The following SFRP1 variants were observed in gnomAD, a reference collection of about 807,000 sequenced individuals.
SFRP1 encodes secreted frizzled related protein 1.
In SFRP1, 9 loss-of-function variants were observed where a neutral mutation model predicts 25.9. The ratio of observed to expected loss-of-function variants is 0.35; its 90% CI spans 0.21 to 0.61. The LOEUF (loss-of-function observed/expected upper bound fraction) is 0.61, where lower values mean the gene tolerates loss of function less well. SFRP1 is among the 20% of genes least tolerant of loss of function. The pLI is 0.78. For missense variants in SFRP1, 346 were observed against 418.2 expected (o/e 0.83, Z 1.51); for synonymous variants, 178 against 174.0 (o/e 1.02, Z -0.18).
At chr8:41,302,018 C>A (rs951821754) in intron 2 of SFRP1, among the ~76,000 whole-genome samples, 4 of 152,230 alleles carry the variant, frequency 2.6e-5, no homozygotes, top group Non-Finnish European at 5.9e-5. Context: ...GGCAAAGGGT[C>A]TGAATCCTCC....
intron 2 of SFRP1, among the ~76,000 whole-genome samples, chr8:41,285,806 C>T (rs1803692812): frequency 6.6e-6 from 1 of 152,120 alleles, no homozygotes; most frequent in Admixed American, 6.5e-5. Flanking sequence ...TTAGCTCGAG[C>T]GGGATGGAGG....
intron 2 of SFRP1, among the ~76,000 whole-genome samples, chr8:41,302,350 T>G (rs1256351074): frequency 6.6e-6 from 1 of 152,220 alleles, no homozygotes; most frequent in Non-Finnish European, 1.5e-5. Context: ...CCCTCCGACT[T>G]GCATGTGTCC....
intron 2 of SFRP1, among the ~76,000 whole-genome samples, chr8:41,272,691 A>G (rs1051477014): frequency 1.3e-5 from 2 of 152,212 alleles, no homozygotes; most frequent in African/African-American, 4.8e-5. Flanking sequence ...CAAAATGACA[A>G]ACAGATGGGA....
chr8:41,285,507 G>A (rs7833518), intron 2 of SFRP1, among the ~76,000 whole-genome samples: 4 of 152,016 alleles, frequency 2.6e-5, no homozygotes, highest in African/African-American at 4.8e-5. Context: ...CACTCCAGGC[G>A]GAAGAAGTGC....
At position 41,309,165 on chromosome 8, in the gene SFRP1, C is replaced by T. The variant is rs1804039557; in HGVS notation, c.-6G>A. ...TCGCTGCGCCCGATGCCCATGCCGG[C>T]TCTGCGCCCTGTTCTCCGCGACGTC... On this transcript the variant is annotated 5_prime_UTR_variant, in exon 1 of 3. Transcript: ENST00000220772. 1 of 1,362,676 alleles carries T rather than the reference C, an allele frequency of 7.3e-7. No homozygotes were observed. Among genetic ancestry groups the T allele is most frequent in the African/African-American group, 1.5e-5 (1 of 64,890 alleles). 84.4% of individuals were successfully genotyped at this position (1,362,676 alleles called of 1,614,324 possible).
rs575623122 is a variant in SFRP1 at position 41,263,460 on chromosome 8, G to A, written c.*1707C>T. 2 of 152,296 alleles carry A rather than the reference G, an allele frequency of 1.3e-5. No homozygotes were observed. The highest frequency in any genetic ancestry group is 2.9e-5 in the Non-Finnish European group (2 of 68,028). The allele number at this position is 152,296 out of a possible 1,614,324, so 9.4% of individuals were successfully genotyped here. On this transcript the variant is annotated 3_prime_UTR_variant, in exon 3 of 3. Coordinates refer to ENST00000220772, the MANE Select transcript of SFRP1 (RefSeq NM_003012.5). ...CGGGCATGCTGATTTTCATACTGGAGTCTTCAAGAGTTAACAGAATCTACC... is the reference window on the plus strand; with the variant it reads ...CGGGCATGCTGATTTTCATACTGGAATCTTCAAGAGTTAACAGAATCTACC...
At chr8:41,308,374 G>A (rs1351940788) in intron 1 of SFRP1, among the ~76,000 whole-genome samples, 2 of 152,262 alleles carry the variant, frequency 1.3e-5, no homozygotes, top group East Asian at 3.9e-4. Context: ...AGGCCAAGGC[G>A]CAGAGCTGCC....
intron 2 of SFRP1, among the ~76,000 whole-genome samples, chr8:41,268,597 T>C (rs893672512): frequency 6.6e-6 from 1 of 152,188 alleles, no homozygotes; most frequent in African/African-American, 2.4e-5. Context: ...CCTTTCTTTT[T>C]TTGAGGTGGG....
chr8:41,271,028 A>G, intron 2 of SFRP1: 1 of 154,064 alleles, frequency 6.5e-6, no homozygotes. Flanking sequence ...GTGTCAGAGG[A>G]TTGAGTGGTT....
intron 2 of SFRP1, among the ~76,000 whole-genome samples, chr8:41,289,355 T>C (rs1803747947): frequency 6.6e-6 from 1 of 152,234 alleles, no homozygotes; most frequent in African/African-American, 2.4e-5. Flanking sequence ...AACAGTTCAG[T>C]AGCAGCGCAG....
At chr8:41,300,770 A>C (rs2117516548) in intron 2 of SFRP1, among the ~76,000 whole-genome samples, 1 of 152,310 alleles carries the variant, frequency 6.6e-6, no homozygotes, top group South Asian at 2.1e-4. Context: ...GAGAGAGAAC[A>C]AAAAGCAGAG....
chr8:41,308,661 T>C lies in SFRP1; in HGVS notation c.499A>G (p.Ile167Val). Residue 167 changes from isoleucine to valine, a missense_variant, in exon 1 of 3, where the codon ATC (isoleucine) becomes GTC (valine). Transcript: ENST00000220772. ...GTGGCATTGGGCGGCGTCATGGCGA[T>C]GCAGACGTCCCCCTCGGGGAACTTG... ...CDKFPEGDVC[I>V]AMTPPNATEA... is the part of the protein sequence containing the mutation. 6.2e-7 allele frequency: 1 copy of C among 1,610,244 alleles called. No individual in the cohort carries two copies. The highest frequency in any genetic ancestry group is 8.5e-7 in the Non-Finnish European group (1 of 1,177,776).
At chr8:41,306,659 C>A in intron 1 of SFRP1, 1 of 1,559,366 alleles carries the variant, frequency 6.4e-7, no homozygotes, top group East Asian at 2.3e-5. Flanking sequence ...GCCCCACTCC[C>A]GACCGGCCCT....
At chr8:41,267,765 A>C (rs1369470245) in intron 2 of SFRP1, among the ~76,000 whole-genome samples, 1 of 152,216 alleles carries the variant, frequency 6.6e-6, no homozygotes, top group African/African-American at 2.4e-5. Flanking sequence ...CACTAATCCT[A>C]AGTTGAAACC....
At chr8:41,283,098 T>C (rs1006140955) in intron 2 of SFRP1, among the ~76,000 whole-genome samples, 7 of 152,166 alleles carry the variant, frequency 4.6e-5, no homozygotes, top group Non-Finnish European at 1.0e-4. Context: ...ACAACATGAG[T>C]CTCCATCCTG....
Position 41,265,112 on chromosome 8 carries a change from T to TCCCCCCCCCACCCCCCCC in SFRP1, c.*54_*55insGGGGGGGGTGGGGGGGGG. On this transcript the variant is annotated 3_prime_UTR_variant, in exon 3 of 3. Coordinates refer to ENST00000220772, the MANE Select transcript of SFRP1 (RefSeq NM_003012.5). ...GACCCACCGGGTTCCCGGGGCACTG[T>TCCCCCCCCCACCCCCCCC]CCCCCCCGCTCCCACCCCACCCGAG... 1 of 517,772 alleles carries TCCCCCCCCCACCCCCCCC rather than the reference T, an allele frequency of 1.9e-6. No individual in the cohort carries two copies. The highest frequency in any genetic ancestry group is 3.6e-6 in the Non-Finnish European group (1 of 279,106). 32.1% of individuals were successfully genotyped at this position (517,772 alleles called of 1,614,324 possible). A position where few individuals can be genotyped will look rare whatever the true frequency, so the allele number is the denominator to read the frequency against.
intron 2 of SFRP1, among the ~76,000 whole-genome samples, chr8:41,288,803 A>G (rs1803740854): frequency 6.6e-6 from 1 of 152,034 alleles, no homozygotes; most frequent in Admixed American, 6.6e-5. Flanking sequence ...GCTCTCTCCT[A>G]CCCTATGCAG....
At chr8:41,304,215 T>C (rs1803964337) in intron 1 of SFRP1, among the ~76,000 whole-genome samples, 2 of 151,426 alleles carry the variant, frequency 1.3e-5, no homozygotes, top group African/African-American at 2.4e-5. Flanking sequence ...GAAGAGGAGG[T>C]TTGTGGGGGC....
intron 2 of SFRP1, among the ~76,000 whole-genome samples, chr8:41,269,086 C>T (rs1199708003): frequency 6.6e-6 from 1 of 152,184 alleles, no homozygotes; most frequent in African/African-American, 2.4e-5. Context: ...TTCTGGGAGA[C>T]AGCAAAGTTT....
Sources: gnomAD v4.1 joint callset for allele counts (sites outside exome capture counted in the v4.1 genomes callset) on GRCh38, gnomAD v4.1.1 for gene constraint, MANE v1.5 for transcripts, NCBI Gene and HGNC (gene_info 2026-07-23, HGNC 2026-07-21) for gene names.